RBBP6: variants seen among roughly 807,000 people sequenced by gnomAD.
The protein encoded by RBBP6 is RB binding protein 6, ubiquitin ligase, also known as E3 ubiquitin-protein ligase RBBP6.
A neutral mutation model predicts 167.7 loss-of-function variants in RBBP6; 25 were observed. The ratio of observed to expected loss-of-function variants is 0.15; its 90% CI spans 0.11 to 0.21. The LOEUF is 0.21. RBBP6 is among the 10% of genes least tolerant of loss of function. RBBP6 has a pLI of 1.00. For missense variants in RBBP6, 1,868 were observed against 2,134.2 expected, an observed-to-expected ratio of 0.88 and a Z score of 2.46; for synonymous variants, 789 against 735.8, an observed-to-expected ratio of 1.07 and a Z score of -1.17.
Position 24,552,384 on chromosome 16 carries a change from C to G in RBBP6, c.304-1129C>G, listed in dbSNP as rs146254039. The stretch of plus-strand genomic sequence containing the variant: ...CAGAATACCTGATGAAGACTTTTTT[C>G]TTTGATCCAGACATCTTGTTACATT... On this transcript the variant is annotated intron_variant, in intron 3 of 17. Coordinates refer to ENST00000319715, the MANE Select transcript of RBBP6 (RefSeq NM_006910.5). Among the ~76,000 whole-genome samples, 150 of 151,722 alleles carry G rather than the reference C, an allele frequency of 9.9e-4. 1 individual carries two copies. The highest frequency in any genetic ancestry group is 6.8e-3 in the South Asian group (33 of 4,826).
Position 24,570,337 on chromosome 16 carries a change from G to C in RBBP6, c.3647G>C (p.Gly1216Ala), listed in dbSNP as rs1899295926. The change falls in exon 17 of 18, where the codon GGG (glycine) becomes GCG (alanine). Residue 1216 changes from glycine (G) to alanine (A), a missense_variant. Physicochemically the swap from Gly to Ala is moderately conservative, Grantham distance 60. Transcript: ENST00000319715. ...AAAATCAAACTCAACAGAGAAACTG[G>C]GAAGAAAATTGGAAGTACAGAAAAT... ...AKKIKLNRET[G>A]KKIGSTENIS... 1 of 1,612,138 alleles carries C rather than the reference G, an allele frequency of 6.2e-7. No individual in the cohort carries two copies. Among genetic ancestry groups the C allele is most frequent in the Non-Finnish European group, 8.5e-7 (1 of 1,179,664 alleles).
At chr16:24,541,529 T>A (rs1397042001) in intron 1 of RBBP6, among the ~76,000 whole-genome samples, 2 of 152,208 alleles carry the variant, frequency 1.3e-5, no homozygotes, top group Non-Finnish European at 2.9e-5. Flanking sequence ...TTTTTTAAAG[T>A]AGTAGTTGCT....
rs147371757 is a variant in RBBP6 at position 24,556,367 on chromosome 16, C to T, written c.594C>T (p.Phe198=). ...AGAGCACTGGAATTCCCAGAAGTTT[C>T]ATGATGGAAGTGAAAGATCCTAATA... The part of the protein sequence containing the change: ...IKKSTGIPRS[F]MMEVKDPNMK... Residue 198 remains phenylalanine (F), a synonymous_variant, in exon 7 of 18, where the codon TTC becomes TTT. Transcript: ENST00000319715. 16 of 1,606,102 alleles carry T rather than the reference C, an allele frequency of 1.0e-5. No individual in the cohort carries two copies. The African/African-American group carries it at 1.9e-4, about 19-fold the overall frequency.
At position 24,540,767 on chromosome 16, in the gene RBBP6, G is replaced by A; in HGVS notation, c.141G>A (p.Gln47=). The change falls in exon 1 of 18, where the codon CAG becomes CAA. Residue 47 remains glutamine (Q), a synonymous_variant. Coordinates refer to ENST00000319715, the MANE Select transcript of RBBP6 (RefSeq NM_006910.5). The stretch of plus-strand genomic sequence containing the variant: ...TGAAAGCTGCCGACTGCGACCTGCA[G>A]ATCACCAATGCGCAGACGAAAGAAG... ...EKLKAADCDL[Q]ITNAQTKEEY... 1 of 1,613,854 alleles carries A rather than the reference G, an allele frequency of 6.2e-7. No individual in the cohort carries two copies. Among genetic ancestry groups the A allele is most frequent in the South Asian group, 1.1e-5 (1 of 91,064 alleles).
intron 4 of RBBP6, 176 bp downstream of exon 4, chr16:24,553,733 G>T: frequency 2.5e-6 from 1 of 404,822 alleles, no homozygotes; most frequent in Non-Finnish European, 4.4e-6. Context: ...GGAATACTTT[G>T]TCAGCCTCAG....
rs756002578 is a variant in RBBP6, at chr16:24,571,718, C to T, written c.4652C>T (p.Thr1551Ile). 2 of 1,614,116 alleles carry T rather than the reference C, an allele frequency of 1.2e-6. No individual in the cohort carries two copies. The highest frequency in any genetic ancestry group is 1.1e-5 in the South Asian group (1 of 91,086). The change falls in exon 18 of 18, where the codon ACT becomes ATT. Residue 1551 changes from threonine to isoleucine, a missense_variant. Thr to Ile is a moderately conservative substitution (Grantham distance 89). Coordinates refer to ENST00000319715, the MANE Select transcript of RBBP6 (RefSeq NM_006910.5). ...KPHDHKATYD[T>I]KRPNEETKSV... ...CATGATCACAAAGCCACTTATGATA[C>T]TAAACGGCCAAATGAAGAGACAAAA...
rs766127059 is a variant in RBBP6, at chr16:24,568,839, C to A, written c.2149C>A (p.Arg717=). The part of the protein sequence containing the change: ...SGSTRSRSYS[R]SFSRSHSRSY... ...TTCAACACGTTCACGCTCTTATTCT[C>A]GATCATTCAGCCGCTCACATTCTCG... The change falls in exon 17 of 18, where the codon CGA becomes AGA. Residue 717 remains arginine, a synonymous_variant. Transcript: ENST00000319715. 1.2e-6 allele frequency: 2 copies of A among 1,614,206 alleles called. No homozygotes were observed. The highest frequency in any genetic ancestry group is 3.3e-5 in the Admixed American group (2 of 60,034).
chr16:24,553,642 TGG>T (rs1254779904), intron 4 of RBBP6, 85 bp downstream of exon 4: 36 of 1,104,614 alleles, frequency 3.3e-5, no homozygotes, highest in Non-Finnish European at 4.4e-5. Context: ...TAAGAGGGGT[TGG>T]GGGAGGACAT....
intron 2 of RBBP6, among the ~76,000 whole-genome samples, chr16:24,546,778 C>G (rs1227203691): frequency 6.6e-6 from 1 of 152,158 alleles, no homozygotes; most frequent in East Asian, 1.9e-4. Flanking sequence ...TGCTTCATAC[C>G]AGTTGTGTGA....
At position 24,562,089 on chromosome 16, in the gene RBBP6, C is replaced by T. The variant is rs752217366; in HGVS notation, c.1217C>T (p.Pro406Leu). The T allele has an allele frequency of 3.1e-6, 5 of 1,613,518 alleles. No homozygotes were observed. Among genetic ancestry groups the T allele is most frequent in the Non-Finnish European group, 4.2e-6 (5 of 1,179,596 alleles). ...PPVSGNPSSA[P>L]APVPDITATV... Reference sequence around the variant, plus strand: ...GTGTCTGGAAATCCGTCTTCTGCTCCAGCTCCTGTACCTGATATAACTGCA... The same window carrying T: ...GTGTCTGGAAATCCGTCTTCTGCTCTAGCTCCTGTACCTGATATAACTGCA... Residue 406 changes from proline (P) to leucine (L), a missense_variant, in exon 10 of 18, where the codon CCA becomes CTA. This residue lies in a region of RBBP6 where 245 missense variants were observed against 240.1 expected (regional missense o/e 1.02). Transcript: ENST00000319715.
In RBBP6 at chr16:24,571,136, C is replaced by T. The variant is rs950351327; in HGVS notation, c.4070C>T (p.Ser1357Leu). ...SVIKNVSTKP[S>L]NIVKYPEKES... Reference sequence around the variant, plus strand: ...ATAAAAAATGTTAGTACAAAGCCATCAAATATAGTCAAGTATCCTGAGAAA... The same window carrying T: ...ATAAAAAATGTTAGTACAAAGCCATTAAATATAGTCAAGTATCCTGAGAAA... The change falls in exon 18 of 18, where the codon TCA becomes TTA. Residue 1357 changes from serine (S) to leucine (L), a missense_variant. Physicochemically the swap from Ser to Leu is moderately radical, Grantham distance 145. This residue lies in a region of RBBP6 where 591 missense variants were observed against 540.5 expected (regional missense o/e 1.09). Transcript: ENST00000319715. 2.5e-6 allele frequency: 4 copies of T among 1,613,452 alleles called. No homozygotes were observed. The African/African-American group carries it at 5.3e-5, about 22-fold the overall frequency.
In RBBP6 at chr16:24,540,516, C is replaced by T. The variant is rs1400933369; in HGVS notation, c.-111C>T. The T allele has an allele frequency of 2.1e-5, 23 of 1,121,788 alleles. No homozygotes were observed. The highest frequency in any genetic ancestry group is 1.1e-4 in the Admixed American group (4 of 38,034). The allele number at this position is 1,121,788 out of a possible 1,614,324, so 69.5% of individuals were successfully genotyped here. A position where few individuals can be genotyped will look rare whatever the true frequency, so the allele number is the denominator to read the frequency against. On this transcript the variant is annotated 5_prime_UTR_variant, in exon 1 of 18. Coordinates refer to ENST00000319715, the MANE Select transcript of RBBP6 (RefSeq NM_006910.5). ...TTTAATCTGAGGCCTTAGGGTCCTT[C>T]GGTGTCTTTGAGTGTTTTGTGTGTA...
chr16:24,541,769 C>T (rs966849579), intron 1 of RBBP6, among the ~76,000 whole-genome samples: 3 of 152,052 alleles, frequency 2.0e-5, no homozygotes, highest in Non-Finnish European at 4.4e-5. Flanking sequence ...TTTAGCAGTT[C>T]GGTGTTCTAA....
In RBBP6 at chr16:24,570,393, T is replaced by C. The variant is rs778617839; in HGVS notation, c.3703T>C (p.Leu1235=). ...AAACACAAAAGAACCCTCTGAAAAA[T>C]TGGAGTCAACATCTAGCAAAGTTAA... ...ISNTKEPSEK[L]ESTSSKVKQE... The change falls in exon 17 of 18, where the codon TTG becomes CTG. Residue 1235 remains leucine (L), a synonymous_variant. Transcript: ENST00000319715. 37 of 1,612,566 alleles carry C rather than the reference T, an allele frequency of 2.3e-5. No individual in the cohort carries two copies. The highest frequency in any genetic ancestry group is 1.4e-4 in the South Asian group (13 of 90,680).
intron 3 of RBBP6, among the ~76,000 whole-genome samples, chr16:24,551,803 ATTTG>A (rs1898803180): frequency 6.6e-6 from 1 of 151,652 alleles, no homozygotes. Flanking sequence ...TTTAAAGACT[ATTTG>A]TTTTATTGGT....
intron 3 of RBBP6, among the ~76,000 whole-genome samples, chr16:24,552,705 C>G (rs1010478658): frequency 4.6e-5 from 7 of 151,810 alleles, no homozygotes; most frequent in Admixed American, 4.6e-4. Context: ...GATGCCTCTT[C>G]AAATATGCCC....
chr16:24,571,668 T>G lies in RBBP6; in HGVS notation c.4602T>G (p.Ser1534=). ...KGTGDSKKSN[S]SPSRDRKPHD... is the part of the protein sequence containing the mutation. Reference sequence around the variant, plus strand: ...CAGGAGATTCCAAAAAAAGTAATTCTAGTCCCTCAAGAGACAGAAAACCTC... The same window carrying G: ...CAGGAGATTCCAAAAAAAGTAATTCGAGTCCCTCAAGAGACAGAAAACCTC... The change falls in exon 18 of 18, where the codon TCT becomes TCG. Residue 1534 remains serine, a synonymous_variant. Transcript: ENST00000319715. The G allele has an allele frequency of 6.2e-7, 1 of 1,613,918 alleles. No homozygotes were observed. The highest frequency in any genetic ancestry group is 8.5e-7 in the Non-Finnish European group (1 of 1,179,968).
chr16:24,546,317 T>C (rs1199146864), intron 2 of RBBP6, 55 bp downstream of exon 2: 1 of 1,455,762 alleles, frequency 6.9e-7, no homozygotes, highest in Non-Finnish European at 9.0e-7. Flanking sequence ...GTTTTTTTAA[T>C]TTTGTGAGAA....
chr16:24,568,017 G>C (rs1313743805), intron 16 of RBBP6, 124 bp downstream of exon 16: 2 of 745,712 alleles, frequency 2.7e-6, no homozygotes, highest in African/African-American at 3.6e-5. Flanking sequence ...GTGTATAGAA[G>C]TGAAGATGTA....
Sources: gnomAD v4.1 joint callset for allele counts (sites outside exome capture counted in the v4.1 genomes callset) on GRCh38, gnomAD v4.1.1 for gene constraint, gnomAD v4.1.1 regional missense constraint, MANE v1.5 for transcripts, NCBI Gene and HGNC (gene_info 2026-07-23, HGNC 2026-07-21) for gene names.